The following RPS6KA1 variants were observed in gnomAD, a reference collection of about 807,000 sequenced individuals.
RPS6KA1 encodes ribosomal protein S6 kinase alpha-1.
A neutral mutation model predicts 91.3 loss-of-function variants in RPS6KA1; 48 were observed. The ratio of observed to expected loss-of-function variants is 0.53; its 90% CI spans 0.42 to 0.67. RPS6KA1 has a LOEUF of 0.67. Among genes scored for constraint, RPS6KA1 ranks in the 30% least tolerant of loss-of-function variants. The probability of loss-of-function intolerance (pLI) is 0.00; values close to 1 mark genes in which losing one functional copy is unlikely to be tolerated. For synonymous variants in RPS6KA1, 359 were observed against 384.7 expected (o/e 0.93, Z 0.78); for missense variants, 719 against 960.5 (o/e 0.75, Z 3.32).
chr1:26,533,367 A>T (rs1377609144), intron 1 of RPS6KA1, among the ~76,000 whole-genome samples: 12 of 152,014 alleles, frequency 7.9e-5, no homozygotes, highest in Non-Finnish European at 1.6e-4. Context: ...AAGTGCTGGG[A>T]TTACAGACAT....
rs2076109154 is a variant in RPS6KA1, at chr1:26,557,108, C to T, written c.1084+8C>T. 6.2e-7 allele frequency: 1 copy of T among 1,606,002 alleles called. No individual in the cohort carries two copies. Among genetic ancestry groups the T allele is most frequent in the Non-Finnish European group, 8.5e-7 (1 of 1,172,988 alleles). On this transcript the variant is annotated splice_region_variant and intron_variant, in intron 13 of 21. Transcript: ENST00000374168. ...CGTCCCGCACACCCAAGGGTGCGTC[C>T]CTTATCTGTTTTGTCTGTCTTGGGC...
Position 26,555,073 on chromosome 1 carries a change from G to C in RPS6KA1, c.757-78G>C. ...CAGCAAGAATCCTGGGACTGGGGCA[G>C]AGGGGTCTGACTGGGAGGAGGCGGG... On this transcript the variant is annotated intron_variant, in intron 9 of 21. Coordinates refer to ENST00000374168, the MANE Select transcript of RPS6KA1 (RefSeq NM_002953.4). The surrounding 1 kb of genome is among the most constrained non-coding windows in gnomAD (Gnocchi z 4.3). 2 of 1,382,080 alleles carry C rather than the reference G, an allele frequency of 1.4e-6. No individual in the cohort carries two copies. Among genetic ancestry groups the C allele is most frequent in the Non-Finnish European group, 2.0e-6 (2 of 977,634 alleles). The allele number at this position is 1,382,080 out of a possible 1,614,324, so 85.6% of individuals were successfully genotyped here. A position where few individuals can be genotyped will look rare whatever the true frequency, so the allele number is the denominator to read the frequency against.
At position 26,547,691 on chromosome 1, in the gene RPS6KA1, C is replaced by T. The variant is rs1292059468; in HGVS notation, c.307+421C>T. On this transcript the variant is annotated intron_variant, in intron 4 of 21. Coordinates refer to ENST00000374168, the MANE Select transcript of RPS6KA1 (RefSeq NM_002953.4). The surrounding 1 kb of genome is among the most constrained non-coding windows in gnomAD (Gnocchi z 4.1). ...TGGGCTAGGCAAGAGAGGGTGAGTC[C>T]AGGCAGGGCCACAGAGCTGGATGGC... is the stretch of plus-strand genomic sequence containing the variant. 4.6e-6 allele frequency: 1 copy of T among 216,852 alleles called. No homozygotes were observed. Among genetic ancestry groups the T allele is most frequent in the East Asian group, 1.2e-4 (1 of 8,474 alleles). The allele number at this position is 216,852 out of a possible 1,614,324, so 13.4% of individuals were successfully genotyped here. A position where few individuals can be genotyped will look rare whatever the true frequency, so the allele number is the denominator to read the frequency against.
chr1:26,553,604 C>T (rs1406733949), intron 7 of RPS6KA1, 107 bp downstream of exon 7: 2 of 630,298 alleles, frequency 3.2e-6, no homozygotes, highest in Non-Finnish European at 5.6e-6. Flanking sequence ...ACGTCTCCCT[C>T]TCTTGGGCAA....
chr1:26,530,311 G>C (rs536304396), intron 1 of RPS6KA1, among the ~76,000 whole-genome samples: 1 of 152,334 alleles, frequency 6.6e-6, no homozygotes, highest in East Asian at 1.9e-4. Flanking sequence ...TAATGCAGAC[G>C]GGGAGATCTT....
chr1:26,550,663 T>C (rs2076041720), intron 4 of RPS6KA1, among the ~76,000 whole-genome samples: 1 of 152,100 alleles, frequency 6.6e-6, no homozygotes, highest in African/African-American at 2.4e-5. Context: ...TAAAACATGA[T>C]ACTTGGTGGG....
At chr1:26,543,147 G>A (rs192507442) in intron 2 of RPS6KA1, 184 of 1,535,570 alleles carry the variant, frequency 1.2e-4, no homozygotes, top group Middle Eastern at 1.7e-4. Context: ...TCTGGTCACC[G>A]GCTTGAGCCC....
Position 26,555,757 on chromosome 1 carries a change from A to G in RPS6KA1, c.916+132A>G. The G allele has an allele frequency of 1.2e-6, 1 of 867,438 alleles. No individual in the cohort carries two copies. The highest frequency in any genetic ancestry group is 1.9e-6 in the Non-Finnish European group (1 of 538,582). The allele number at this position is 867,438 out of a possible 1,614,324, so 53.7% of individuals were successfully genotyped here. On this transcript the variant is annotated intron_variant, in intron 11 of 21. Transcript: ENST00000374168. This position sits in a 1 kb window ranked among gnomAD's most constrained non-coding sequence, Gnocchi z 4.3. ...GTGTGGGCAGACAATGCCGCGGGCC[A>G]CCCTGCTTTCTGGCTCCATGTGTGG...
chr1:26,556,535 C>A, intron 11 of RPS6KA1, 119 bp from the exon 12 acceptor site: 2 of 1,012,108 alleles, frequency 2.0e-6, no homozygotes, highest in South Asian at 1.4e-5. Flanking sequence ...GCTGAGTGAG[C>A]CCATTTTCCC....
intron 2 of RPS6KA1, chr1:26,545,862 T>G: frequency 6.5e-7 from 1 of 1,541,344 alleles, no homozygotes; most frequent in Non-Finnish European, 8.7e-7. Flanking sequence ...CCCCGGACTC[T>G]GCCTGCTCCT....
At chr1:26,563,372 C>T (rs1176637725) in intron 17 of RPS6KA1, among the ~76,000 whole-genome samples, 1 of 151,882 alleles carries the variant, frequency 6.6e-6, no homozygotes, top group Non-Finnish European at 1.5e-5. Context: ...GGACCACAGG[C>T]ACGCACCACC....
intron 20 of RPS6KA1, among the ~76,000 whole-genome samples, chr1:26,572,522 G>A (rs905770607): frequency 2.0e-5 from 3 of 152,050 alleles, no homozygotes; most frequent in Non-Finnish European, 4.4e-5. Flanking sequence ...TGGACCCTGT[G>A]GGGCACTGAG....
At chr1:26,535,330 T>C (rs2075898437) in intron 1 of RPS6KA1, among the ~76,000 whole-genome samples, 1 of 151,930 alleles carries the variant, frequency 6.6e-6, no homozygotes, top group African/African-American at 2.4e-5. Context: ...AGGGAGATTA[T>C]GTAATGGGTA....
intron 2 of RPS6KA1, chr1:26,546,106 A>G: frequency 4.5e-6 from 7 of 1,562,306 alleles, no homozygotes; most frequent in Non-Finnish European, 6.1e-6. Flanking sequence ...AAGCCAGCTT[A>G]ACATAAGCTG....
At chr1:26,562,982 G>T (rs921974216) in intron 17 of RPS6KA1, among the ~76,000 whole-genome samples, 2 of 151,540 alleles carry the variant, frequency 1.3e-5, no homozygotes, top group Admixed American at 6.6e-5. Context: ...GATTAGAGGC[G>T]CCTGTCACCA....
rs750580871 is a variant in RPS6KA1, at chr1:26,571,977, G to A, written c.1829+52G>A. 1 of 1,561,550 alleles carries A rather than the reference G, an allele frequency of 6.4e-7. No homozygotes were observed. The highest frequency in any genetic ancestry group is 1.7e-4 in the Middle Eastern group (1 of 5,972). ...CCCACTCCTGCAGCCCTAGCACTTGGGCTGAGTGGTGCTTGTCTGATAGGA... is the reference window on the plus strand; with the variant it reads ...CCCACTCCTGCAGCCCTAGCACTTGAGCTGAGTGGTGCTTGTCTGATAGGA... On this transcript the variant is annotated intron_variant, in intron 19 of 21. Coordinates refer to ENST00000374168, the MANE Select transcript of RPS6KA1 (RefSeq NM_002953.4). The surrounding 1 kb of genome is among the most constrained non-coding windows in gnomAD (Gnocchi z 5.1).
At chr1:26,535,807 C>G (rs1036026858) in intron 1 of RPS6KA1, among the ~76,000 whole-genome samples, 22 of 152,262 alleles carry the variant, frequency 1.4e-4, no homozygotes, top group South Asian at 2.1e-4. Context: ...GTTTCCTTCT[C>G]TGCCACATGG....
At position 26,551,339 on chromosome 1, in the gene RPS6KA1, T is replaced by A; in HGVS notation, c.308-58T>A. ...GAAAAGAGATCCCTTAGCGGGGGCT[T>A]GGGAGTGGCTGTGTTGAGTGTCTAG... On this transcript the variant is annotated intron_variant, in intron 4 of 21. Transcript: ENST00000374168. The surrounding 1 kb of genome is among the most constrained non-coding windows in gnomAD (Gnocchi z 4.5). 6.8e-7 allele frequency: 1 copy of A among 1,466,674 alleles called. No homozygotes were observed. Among genetic ancestry groups the A allele is most frequent in the Non-Finnish European group, 9.5e-7 (1 of 1,047,776 alleles). 90.9% of individuals were successfully genotyped at this position (1,466,674 alleles called of 1,614,324 possible). A position where few individuals can be genotyped will look rare whatever the true frequency, so the allele number is the denominator to read the frequency against.
rs2076277194 is a variant in RPS6KA1, at chr1:26,574,254, G to C, written c.*53G>C. ...GGTGCTAGCTTGACACAGTCAGCAT[G>C]CTTCCCAGAGGGAGCAGGCCGGAAC... On this transcript the variant is annotated 3_prime_UTR_variant, in exon 22 of 22. Coordinates refer to ENST00000374168, the MANE Select transcript of RPS6KA1 (RefSeq NM_002953.4). The surrounding 1 kb of genome is among the most constrained non-coding windows in gnomAD (Gnocchi z 4.3). 1 of 1,608,856 alleles carries C rather than the reference G, an allele frequency of 6.2e-7. No individual in the cohort carries two copies. Among genetic ancestry groups the C allele is most frequent in the Non-Finnish European group, 8.5e-7 (1 of 1,175,566 alleles).
Sources: gnomAD v4.1 joint callset for allele counts (sites outside exome capture counted in the v4.1 genomes callset) on GRCh38, gnomAD v4.1.1 for gene constraint, Gnocchi (gnomAD v3.1) non-coding constraint, MANE v1.5 for transcripts, NCBI Gene and HGNC (gene_info 2026-07-23, HGNC 2026-07-21) for gene names.